The following HEPH variants were observed in gnomAD, a reference collection of about 807,000 sequenced individuals.
HEPH encodes hephaestin.
A neutral mutation model predicts 80.8 loss-of-function variants in HEPH; 69 were observed. The observed-to-expected ratio is 0.85, with a 90% CI of 0.70 to 1.04. The LOEUF is 1.04. HEPH is among the 50% of genes least tolerant of loss of function. The pLI is 0.00. For synonymous variants in HEPH, 431 were observed against 322.8 expected (o/e 1.34, Z -3.60); for missense variants, 1,115 against 891.3 (o/e 1.25, Z -3.20).
chrX:66,187,184 G>T (rs1021462202), intron 4 of HEPH, among the ~76,000 whole-genome samples: 1 of 110,446 alleles, frequency 9.1e-6, no homozygotes, highest in African/African-American at 3.3e-5. Context: ...CTTTCACTGG[G>T]CTTCACCTTT....
chrX:66,167,720 T>G (rs1243782546), intron 1 of HEPH, among the ~76,000 whole-genome samples: 1 of 112,261 alleles, frequency 8.9e-6, no homozygotes, highest in Non-Finnish European at 1.9e-5. Context: ...GAAGGACTCT[T>G]TGAGAGCTCA....
At chrX:66,191,985 G>A in intron 6 of HEPH, 145 bp from the exon 7 acceptor site, 1 of 509,735 alleles carries the variant, frequency 2.0e-6, no homozygotes, top group East Asian at 3.7e-5. Flanking sequence ...CTTTAAGAGT[G>A]AGAGAAAGCG....
In HEPH at chrX:66,197,825, C is replaced by A; in HGVS notation, c.1644C>A (p.Asp548Glu). ...MYFSAADPIR[D>E]TNSGLVGPLL... ...TCTCTGCTGCAGATCCCATAAGAGA[C>A]ACAAATTCTGGCCTGGTGGGCCCGC... is the stretch of plus-strand genomic sequence containing the variant. The change falls in exon 10 of 21, where the codon GAC (aspartate) becomes GAA (glutamate). Residue 548 changes from aspartate to glutamate, a missense_variant. This residue lies in a region of HEPH where 716 missense variants were observed against 523.5 expected (regional missense o/e 1.37). Transcript: ENST00000343002. 2 of 1,210,900 alleles carry A rather than the reference C, an allele frequency of 1.7e-6. No homozygotes were observed. The highest frequency in any genetic ancestry group is 2.2e-6 in the Non-Finnish European group (2 of 895,127).
Position 66,164,371 on chromosome X carries a change from A to C in HEPH, c.-113A>C. On this transcript the variant is annotated 5_prime_UTR_variant, in exon 1 of 21. Transcript: ENST00000343002. ...AATTTAGGAGAAAGGCCCTGTAACC[A>C]AGATACTGACTGAACATGGCTGGCG... The C allele has an allele frequency of 2.7e-6, 2 of 754,206 alleles. No homozygotes were observed. The highest frequency in any genetic ancestry group is 3.1e-6 in the Non-Finnish European group (2 of 639,191). 62.2% of individuals were successfully genotyped at this position (754,206 alleles called of 1,213,427 possible).
At chrX:66,212,473 C>A (rs2089183022) in intron 15 of HEPH, among the ~76,000 whole-genome samples, 1 of 111,126 alleles carries the variant, frequency 9.0e-6, no homozygotes, top group Non-Finnish European at 1.9e-5. Flanking sequence ...TTCACATATC[C>A]ATCGTGAGAT....
At chrX:66,254,431 G>A (rs1261472764) in intron 15 of HEPH, among the ~76,000 whole-genome samples, 2 of 111,443 alleles carry the variant, frequency 1.8e-5, no homozygotes. Flanking sequence ...ATTGGGAAAC[G>A]GTGGTTTTTC....
intron 20 of HEPH, among the ~76,000 whole-genome samples, chrX:66,264,395 T>C (rs997052924): frequency 9.2e-6 from 1 of 109,181 alleles, no homozygotes; most frequent in African/African-American, 3.3e-5. Flanking sequence ...CACCATATGT[T>C]CTTCAACAGC....
chrX:66,205,963 C>T (rs906235438), intron 13 of HEPH, among the ~76,000 whole-genome samples: 3 of 111,422 alleles, frequency 2.7e-5, no homozygotes, highest in Non-Finnish European at 3.8e-5. Context: ...CACTTTCTGG[C>T]TAACAATGTC....
At chrX:66,200,792 T>A (rs2088396467) in intron 12 of HEPH, 40 bp downstream of exon 12, 1 of 1,077,845 alleles carries the variant, frequency 9.3e-7, no homozygotes, top group African/African-American at 1.8e-5. Context: ...CTTTGTTGGG[T>A]ATAGGGCCAG....
At chrX:66,189,038 A>G (rs1394510309) in intron 5 of HEPH, among the ~76,000 whole-genome samples, 1 of 112,607 alleles carries the variant, frequency 8.9e-6, no homozygotes, top group Non-Finnish European at 1.9e-5. Context: ...AATTAAATTG[A>G]AAAAGAAACT....
At chrX:66,181,948 A>T (rs1308806502) in intron 4 of HEPH, among the ~76,000 whole-genome samples, 1 of 110,819 alleles carries the variant, frequency 9.0e-6, no homozygotes, top group Non-Finnish European at 1.9e-5. Context: ...ACCATTTATT[A>T]AATAGGGAAT....
chrX:66,261,818 A>G lies in HEPH; in HGVS notation c.3199+1556A>G, dbSNP rs771181349. On this transcript the variant is annotated intron_variant, in intron 19 of 20. Coordinates refer to ENST00000343002, the MANE Select transcript of HEPH (RefSeq NM_001367233.3). ...ACTGCTAGAATGCAGCTTCCACTTA[A>G]CTACTCAGGAGCTATTCCCTAGCAC... Among the ~76,000 whole-genome samples the G allele has an allele frequency of 1.8e-3, 207 of 112,232 alleles. 2 individuals are homozygous for G. Among genetic ancestry groups the G allele is most frequent in the African/African-American group, 6.6e-3 (203 of 30,947 alleles).
chrX:66,216,716 T>A (rs1248053649), intron 15 of HEPH, among the ~76,000 whole-genome samples: 1 of 111,353 alleles, frequency 9.0e-6, no homozygotes, highest in African/African-American at 3.3e-5. Context: ...CAAATCAAGA[T>A]AAAAATCTCT....
intron 4 of HEPH, among the ~76,000 whole-genome samples, chrX:66,176,150 T>C (rs1404765820): frequency 8.9e-6 from 1 of 112,035 alleles, no homozygotes; most frequent in Non-Finnish European, 1.9e-5. Context: ...TGGCTGTGGG[T>C]TTGTCATATA....
intron 9 of HEPH, among the ~76,000 whole-genome samples, chrX:66,195,572 TAG>T (rs1169284005): frequency 9.0e-6 from 1 of 111,579 alleles, no homozygotes; most frequent in Non-Finnish European, 1.9e-5. Flanking sequence ...AGTCTATATA[TAG>T]AGATATGTGA....
chrX:66,243,590 G>A (rs1363064654), intron 15 of HEPH, among the ~76,000 whole-genome samples: 1 of 113,117 alleles, frequency 8.8e-6, no homozygotes, highest in South Asian at 3.6e-4. Context: ...CTTTTAAACA[G>A]CATGCAGTTG....
chrX:66,268,326 C>T (rs780390656), downstream of HEPH: 14 of 112,071 alleles, frequency 1.2e-4, no homozygotes, highest in Non-Finnish European at 1.9e-4. Context: ...TGTTCAGTTA[C>T]GATATAAGTT....
At chrX:66,174,075 T>C (rs1223464529) in intron 4 of HEPH, among the ~76,000 whole-genome samples, 1 of 110,190 alleles carries the variant, frequency 9.1e-6, no homozygotes. Context: ...AATAAGTTGT[T>C]TAGCGGTGAT....
At chrX:66,230,039 T>C (rs1185756767) in intron 15 of HEPH, among the ~76,000 whole-genome samples, 1 of 101,414 alleles carries the variant, frequency 9.9e-6, no homozygotes, top group Non-Finnish European at 2.0e-5. Context: ...GGTTTTTTGT[T>C]CTTGCGATAG....
Sources: gnomAD v4.1 joint callset for allele counts (sites outside exome capture counted in the v4.1 genomes callset) on GRCh38, gnomAD v4.1.1 for gene constraint, gnomAD v4.1.1 regional missense constraint, MANE v1.5 for transcripts, NCBI Gene and HGNC (gene_info 2026-07-23, HGNC 2026-07-21) for gene names.